The following AGPAT4 variants were observed in gnomAD, a reference collection of about 807,000 sequenced individuals.
The protein encoded by AGPAT4 is 1-acylglycerol-3-phosphate O-acyltransferase 4.
Under a neutral mutation model 48.0 loss-of-function variants are expected in AGPAT4, and 15 were observed. The ratio of observed to expected loss-of-function variants is 0.31; its 90% CI spans 0.21 to 0.48. The LOEUF (loss-of-function observed/expected upper bound fraction) is 0.48, where lower values mean the gene tolerates loss of function less well. Ranked by LOEUF, AGPAT4 falls within the 20% of genes least tolerant of loss-of-function variation. The pLI is 0.99. For synonymous variants in AGPAT4, 178 were observed against 198.7 expected, an observed-to-expected ratio of 0.90 and a Z score of 0.88; for missense variants, 314 against 482.5, an observed-to-expected ratio of 0.65 and a Z score of 3.27.
intron 2 of AGPAT4, among the ~76,000 whole-genome samples, chr6:161,190,006 A>G (rs750485689): frequency 6.6e-6 from 1 of 152,184 alleles, no homozygotes; most frequent in Non-Finnish European, 1.5e-5. Flanking sequence ...CCTTACGGTC[A>G]ATGACTAGAG....
chr6:161,176,553 C>A (rs1445644854), intron 2 of AGPAT4, among the ~76,000 whole-genome samples: 1 of 152,106 alleles, frequency 6.6e-6, no homozygotes, highest in African/African-American at 2.4e-5. Context: ...TGAGATGGGT[C>A]TCCTGAATAC....
intron 2 of AGPAT4, among the ~76,000 whole-genome samples, chr6:161,187,820 A>G (rs1780814472): frequency 1.3e-5 from 2 of 152,332 alleles, no homozygotes; most frequent in South Asian, 2.1e-4. Context: ...CTGGGCTTAC[A>G]GGCGTGAGCC....
rs572363179 is a variant in AGPAT4 at position 161,144,593 on chromosome 6, GC to G, written c.843+1930del. ...CTCCTTTGCCTTGATGGGCTTGAGG[GC>G]CCACGTTTATTGTAGATTTGTTTGT... is the stretch of plus-strand genomic sequence containing the variant. On this transcript the variant is annotated intron_variant, in intron 7 of 8. Coordinates refer to ENST00000320285, the MANE Select transcript of AGPAT4 (RefSeq NM_020133.3). The surrounding 1 kb of genome is among the most constrained non-coding windows in gnomAD (Gnocchi z 6.6). Among the ~76,000 whole-genome samples the G allele has an allele frequency of 9.9e-3, 1,507 of 152,236 alleles. 12 individuals are homozygous for G. Among genetic ancestry groups the G allele is most frequent in the Non-Finnish European group, 0.015 (1,013 of 68,016 alleles).
rs987360846 is a variant in AGPAT4, at chr6:161,221,679, AC to A, written c.178+10356del. On this transcript the variant is annotated intron_variant, in intron 2 of 8. Transcript: ENST00000320285. The surrounding 1 kb of genome is among the most constrained non-coding windows in gnomAD (Gnocchi z 4.5). ...ATTGTCTGAGTTCTGGATTCCAGGA[AC>A]CTCAGATCGGGGTGTTAGCAGGGTT... 1.3e-5 allele frequency among the ~76,000 whole-genome samples: 2 copies of A among 152,078 alleles called. No individual in the cohort carries two copies. Among genetic ancestry groups the A allele is most frequent in the Non-Finnish European group, 2.9e-5 (2 of 68,018 alleles).
chr6:161,263,651 A>C (rs1414117577), intron 1 of AGPAT4, among the ~76,000 whole-genome samples: 2 of 152,100 alleles, frequency 1.3e-5, no homozygotes, highest in Non-Finnish European at 2.9e-5. Context: ...CTCTCCCCCG[A>C]CCTCCTCTCA....
rs1416206396 is a variant in AGPAT4, at chr6:161,261,918, T to C, written c.-90+12020A>G. On this transcript the variant is annotated intron_variant, in intron 1 of 8. Coordinates refer to ENST00000320285, the MANE Select transcript of AGPAT4 (RefSeq NM_020133.3). The surrounding 1 kb of genome is among the most constrained non-coding windows in gnomAD (Gnocchi z 5.3). The stretch of plus-strand genomic sequence containing the variant: ...CTGGGCCAGAGACCCAGTTTGCCTG[T>C]ATGAGCTGTGCAGCCCTGGGAAGAC... Among the ~76,000 whole-genome samples the C allele has an allele frequency of 6.6e-6, 1 of 152,180 alleles. No individual in the cohort carries two copies. The highest frequency in any genetic ancestry group is 2.4e-5 in the African/African-American group (1 of 41,432).
Position 161,225,167 on chromosome 6 carries a change from A to G in AGPAT4, c.178+6869T>C, listed in dbSNP as rs555115378. 2.4e-4 allele frequency among the ~76,000 whole-genome samples: 37 copies of G among 152,050 alleles called. No homozygotes were observed. Among genetic ancestry groups the G allele is most frequent in the African/African-American group, 8.4e-4 (35 of 41,464 alleles). On this transcript the variant is annotated intron_variant, in intron 2 of 8. Transcript: ENST00000320285. This position sits in a 1 kb window ranked among gnomAD's most constrained non-coding sequence, Gnocchi z 5.0. ...CCTTCCGATGACCTGCTCCACCCTG[A>G]CTCATTCCAATTACCTACTCTACCC... is the stretch of plus-strand genomic sequence containing the variant.
chr6:161,263,013 G>A (rs780260132), intron 1 of AGPAT4, among the ~76,000 whole-genome samples: 7 of 152,106 alleles, frequency 4.6e-5, no homozygotes, highest in Non-Finnish European at 1.0e-4. Context: ...AGAGGCAGAA[G>A]AGACAGACCC....
In AGPAT4 at chr6:161,155,842, G is replaced by A. The variant is rs1041074328; in HGVS notation, c.349-1532C>T. The stretch of plus-strand genomic sequence containing the variant: ...TACCTGAACTCATTCCAAACATGCA[G>A]TCATTTGAAGGAGCTATAAATGATG... On this transcript the variant is annotated intron_variant, in intron 3 of 8. Coordinates refer to ENST00000320285, the MANE Select transcript of AGPAT4 (RefSeq NM_020133.3). The surrounding 1 kb of genome is among the most constrained non-coding windows in gnomAD (Gnocchi z 5.8). Among the ~76,000 whole-genome samples, 4 of 152,202 alleles carry A rather than the reference G, an allele frequency of 2.6e-5. No homozygotes were observed. The highest frequency in any genetic ancestry group is 2.6e-4 in the Admixed American group (4 of 15,284).
intron 2 of AGPAT4, among the ~76,000 whole-genome samples, chr6:161,187,504 C>CATTTATTTATTTATTT (rs60104618): frequency 4.9e-5 from 7 of 143,952 alleles, no homozygotes; most frequent in East Asian, 2.0e-4. Flanking sequence ...TCCTGAAGCC[C>CATTTATTTATTTATTT]ATTTATTTAT....
rs1162931893 is a variant in AGPAT4 at position 161,143,391 on chromosome 6, A to G, written c.843+3133T>C. ...TGAGCCACTGTGCCCAGCCTCACCT[A>G]TTTCTTAATTTGCACTATTAATGGC... On this transcript the variant is annotated intron_variant, in intron 7 of 8. Coordinates refer to ENST00000320285, the MANE Select transcript of AGPAT4 (RefSeq NM_020133.3). This position sits in a 1 kb window ranked among gnomAD's most constrained non-coding sequence, Gnocchi z 4.7. Among the ~76,000 whole-genome samples, 1 of 152,170 alleles carries G rather than the reference A, an allele frequency of 6.6e-6. No homozygotes were observed. The highest frequency in any genetic ancestry group is 6.5e-5 in the Admixed American group (1 of 15,276).
intron 2 of AGPAT4, among the ~76,000 whole-genome samples, chr6:161,181,498 G>A (rs1780587891): frequency 6.7e-6 from 1 of 148,522 alleles, no homozygotes; most frequent in Non-Finnish European, 1.5e-5. Flanking sequence ...ACACGGTGGG[G>A]GTAGCAGGGG....
rs573695797 is a variant in AGPAT4, at chr6:161,223,840, G to A, written c.178+8196C>T. Among the ~76,000 whole-genome samples, 1 of 152,250 alleles carries A rather than the reference G, an allele frequency of 6.6e-6. No individual in the cohort carries two copies. Among genetic ancestry groups the A allele is most frequent in the South Asian group, 2.1e-4 (1 of 4,828 alleles). On this transcript the variant is annotated intron_variant, in intron 2 of 8. Transcript: ENST00000320285. This position sits in a 1 kb window ranked among gnomAD's most constrained non-coding sequence, Gnocchi z 6.3. Reference sequence around the variant, plus strand: ...CCCAATCTCTGCTCCATCACTTCCTGTGTGACCCTGGGCAAGTCACTTAAA... The same window carrying A: ...CCCAATCTCTGCTCCATCACTTCCTATGTGACCCTGGGCAAGTCACTTAAA...
At chr6:161,160,816 TG>T (rs1779906402) in intron 3 of AGPAT4, 1 of 360,248 alleles carries the variant, frequency 2.8e-6, no homozygotes, top group African/African-American at 2.1e-5. Flanking sequence ...CCAGCCCTTG[TG>T]GGATGGCGTT....
rs367821066 is a variant in AGPAT4 at position 161,216,727 on chromosome 6, G to A, written c.178+15309C>T. On this transcript the variant is annotated intron_variant, in intron 2 of 8. Coordinates refer to ENST00000320285, the MANE Select transcript of AGPAT4 (RefSeq NM_020133.3). This position sits in a 1 kb window ranked among gnomAD's most constrained non-coding sequence, Gnocchi z 4.8. ...GAAAGGCTCTTCTTAAGCAGCGACA[G>A]CAAGAGAAAATGAGAAAGAAGCAAA... Among the ~76,000 whole-genome samples the A allele has an allele frequency of 1.3e-5, 2 of 152,320 alleles. No homozygotes were observed. The highest frequency in any genetic ancestry group is 2.1e-4 in the South Asian group (1 of 4,824).
rs1337957878 is a variant in AGPAT4 at position 161,235,294 on chromosome 6, CG to C, written c.-89-2993del. Among the ~76,000 whole-genome samples the C allele has an allele frequency of 6.6e-6, 1 of 152,100 alleles. No homozygotes were observed. The highest frequency in any genetic ancestry group is 1.5e-5 in the Non-Finnish European group (1 of 68,016). ...GCTTTTTAATTTCGTGAAACTTAGGCGGATTCTCAAATTTATATGCAAACGC... is the reference window on the plus strand; with the variant it reads ...GCTTTTTAATTTCGTGAAACTTAGGCGATTCTCAAATTTATATGCAAACGC... On this transcript the variant is annotated intron_variant, in intron 1 of 8. Transcript: ENST00000320285. The surrounding 1 kb of genome is among the most constrained non-coding windows in gnomAD (Gnocchi z 6.2).
rs183580215 is a variant in AGPAT4 at position 161,241,493 on chromosome 6, G to A, written c.-89-9191C>T. ...AAGCCCCACTCTTGCATGATAAAAA[G>A]TCAGGTCTATGGAAAAGTGATGCTT... On this transcript the variant is annotated intron_variant, in intron 1 of 8. Transcript: ENST00000320285. Among the ~76,000 whole-genome samples the A allele has an allele frequency of 3.1e-3, 477 of 152,174 alleles. 2 individuals carry two copies. Among genetic ancestry groups the A allele is most frequent in the African/African-American group, 0.011 (457 of 41,512 alleles).
chr6:161,188,147 C>T (rs1467202725), intron 2 of AGPAT4, among the ~76,000 whole-genome samples: 1 of 152,190 alleles, frequency 6.6e-6, no homozygotes, highest in Non-Finnish European at 1.5e-5. Flanking sequence ...CTAAAATATA[C>T]ACAATTACCA....
chr6:161,211,610 A>T (rs1781524513), intron 2 of AGPAT4, among the ~76,000 whole-genome samples: 1 of 152,216 alleles, frequency 6.6e-6, no homozygotes, highest in South Asian at 2.1e-4. Flanking sequence ...AGTCTGTGTA[A>T]GTCATAAAAA....
Sources: allele counts gnomAD v4.1 joint callset (sites outside exome capture counted in the v4.1 genomes callset), GRCh38; gene constraint gnomAD v4.1.1; non-coding constraint Gnocchi (gnomAD v3.1); transcripts MANE v1.5; gene names NCBI Gene and HGNC (gene_info 2026-07-23, HGNC 2026-07-21).